RBFOX2: variants seen among roughly 807,000 people sequenced by gnomAD.
The protein encoded by RBFOX2 is RNA binding fox-1 homolog 2.
In RBFOX2, 10 loss-of-function variants were observed where a neutral mutation model predicts 49.1. The ratio of observed to expected loss-of-function variants is 0.20; its 90% confidence interval spans 0.13 to 0.35. The LOEUF is 0.35. RBFOX2 is among the 10% of genes least tolerant of loss of function. The pLI is 1.00. For synonymous variants in RBFOX2, 183 were observed against 187.4 expected (o/e 0.98, Z 0.19); for missense variants, 323 against 486.9 (o/e 0.66, Z 3.17).
At chr22:35,946,687 G>C (rs2054311171) in intron 1 of RBFOX2, among the ~76,000 whole-genome samples, 1 of 152,138 alleles carries the variant, frequency 6.6e-6, no homozygotes, top group Non-Finnish European at 1.5e-5. Context: ...AGCTATTTAG[G>C]AATATGTGCT....
chr22:35,932,540 T>A (rs2052550488), intron 1 of RBFOX2, among the ~76,000 whole-genome samples: 1 of 152,122 alleles, frequency 6.6e-6, no homozygotes, highest in African/African-American at 2.4e-5. Flanking sequence ...TTTAGAAAAT[T>A]GAAGAAAAAA....
chr22:36,013,117 A>AT (rs2058887941), intron 1 of RBFOX2, among the ~76,000 whole-genome samples: 1 of 151,932 alleles, frequency 6.6e-6, no homozygotes, highest in Non-Finnish European at 1.5e-5. Flanking sequence ...AAGTTAACAG[A>AT]TTTTTCCTTA....
intron 1 of RBFOX2, chr22:35,998,855 C>G (rs1048503623): frequency 1.3e-5 from 2 of 152,890 alleles, no homozygotes; most frequent in African/African-American, 4.8e-5. Context: ...TCACAACAGC[C>G]AAGTCTATCA....
chr22:35,838,205 A>T (rs1958029913), intron 1 of RBFOX2, among the ~76,000 whole-genome samples: 1 of 152,150 alleles, frequency 6.6e-6, no homozygotes, highest in African/African-American at 2.4e-5. Context: ...AAGAGAATCC[A>T]GAAACAGGAT....
At chr22:35,947,690 A>T (rs1444779300) in intron 1 of RBFOX2, among the ~76,000 whole-genome samples, 1 of 147,030 alleles carries the variant, frequency 6.8e-6, no homozygotes, top group East Asian at 1.9e-4. Context: ...AAAAAAAAAA[A>T]AAAAAAAAAA....
chr22:35,900,867 C>CA (rs2048481872), intron 1 of RBFOX2, among the ~76,000 whole-genome samples: 1 of 152,226 alleles, frequency 6.6e-6, no homozygotes, highest in Non-Finnish European at 1.5e-5. Flanking sequence ...CTGGTCTAGA[C>CA]AGAGGCACTG....
At chr22:35,941,606 A>C (rs1383692966), upstream of RBFOX2, among the ~76,000 whole-genome samples, 2 of 152,172 alleles carry the variant, frequency 1.3e-5, no homozygotes, top group East Asian at 1.9e-4. Flanking sequence ...TTGTCTGAGA[A>C]GGGGATTATC....
chr22:35,805,201 A>C (rs959088298), intron 2 of RBFOX2, among the ~76,000 whole-genome samples: 9 of 151,236 alleles, frequency 6.0e-5, no homozygotes, highest in Non-Finnish European at 1.3e-4. Context: ...GAGGCAGGAG[A>C]ATGGCGTGAA....
chr22:35,762,218 A>C (rs1939146363), intron 6 of RBFOX2, among the ~76,000 whole-genome samples: 1 of 152,188 alleles, frequency 6.6e-6, no homozygotes, highest in Admixed American at 6.5e-5. Flanking sequence ...AAATAACATT[A>C]TGTTTAATGT....
intron 2 of RBFOX2, among the ~76,000 whole-genome samples, chr22:35,788,270 A>C (rs1946833426): frequency 6.6e-6 from 1 of 152,232 alleles, no homozygotes; most frequent in African/African-American, 2.4e-5. Context: ...TAACTTTCCA[A>C]GTCTATCAGA....
At chr22:35,987,762 A>T (rs1186292934) in intron 1 of RBFOX2, among the ~76,000 whole-genome samples, 1 of 152,204 alleles carries the variant, frequency 6.6e-6, no homozygotes, top group Non-Finnish European at 1.5e-5. Flanking sequence ...TCAGGATCTA[A>T]GGGTTCATAA....
chr22:35,978,318 A>G (rs1254367224), intron 1 of RBFOX2, among the ~76,000 whole-genome samples: 1 of 152,216 alleles, frequency 6.6e-6, no homozygotes, highest in Non-Finnish European at 1.5e-5. Flanking sequence ...ATATATACGT[A>G]TATAGCACAA....
At chr22:35,954,157 G>T (rs2055280489) in intron 1 of RBFOX2, among the ~76,000 whole-genome samples, 1 of 151,930 alleles carries the variant, frequency 6.6e-6, no homozygotes, top group Admixed American at 6.6e-5. Context: ...ATTTATGAGT[G>T]ATATATGTCT....
At chr22:35,792,323 AAAAAAAAAAAAGAAAAGAAAAG>A (rs1217375756) in intron 2 of RBFOX2, among the ~76,000 whole-genome samples, 4 of 134,406 alleles carry the variant, frequency 3.0e-5, no homozygotes, top group Non-Finnish European at 6.2e-5. Flanking sequence ...CTCAAAAAAA[AAAAAAAAAAAAGAAAAGAAAAG>A]AAAAGAAAAG....
intron 3 of RBFOX2, 80 bp from the exon 5 acceptor site, chr22:35,778,158 GT>G: frequency 1.7e-6 from 2 of 1,187,526 alleles, no homozygotes; most frequent in Non-Finnish European, 1.2e-6. Context: ...AATGGGAATA[GT>G]TTATTTTTCT....
At chr22:35,923,830 T>C (rs560574140) in intron 1 of RBFOX2, among the ~76,000 whole-genome samples, 1 of 151,514 alleles carries the variant, frequency 6.6e-6, no homozygotes, top group Non-Finnish European at 1.5e-5. Context: ...TACAGGACTA[T>C]AGATACATAA....
chr22:36,021,101 A>G (rs988521250), intron 1 of RBFOX2, among the ~76,000 whole-genome samples: 1 of 152,038 alleles, frequency 6.6e-6, no homozygotes, highest in African/African-American at 2.4e-5. Flanking sequence ...TTGTAGGAAC[A>G]TGGATGAAGC....
intron 2 of RBFOX2, among the ~76,000 whole-genome samples, chr22:35,787,351 T>G (rs1013498150): frequency 1.1e-4 from 16 of 151,942 alleles, no homozygotes; most frequent in African/African-American, 3.9e-4. Context: ...TTCTATACCT[T>G]GAGGAAAGAG....
At chr22:35,803,973 C>T (rs1459903298) in intron 2 of RBFOX2, among the ~76,000 whole-genome samples, 2 of 152,196 alleles carry the variant, frequency 1.3e-5, no homozygotes, top group Non-Finnish European at 1.5e-5. Context: ...TATGGGAGAA[C>T]ACCAAGTATT....
Sources: gnomAD v4.1 joint callset for allele counts (sites outside exome capture counted in the v4.1 genomes callset) on GRCh38, gnomAD v4.1.1 for gene constraint, MANE v1.5 for transcripts, NCBI Gene and HGNC (gene_info 2026-07-23, HGNC 2026-07-21) for gene names.